Variants in ST7 observed in about 807,000 individuals in gnomAD.
ST7 encodes suppressor of tumorigenicity 7 protein.
In ST7, 28 loss-of-function variants were observed where a neutral mutation model predicts 78.7. The ratio of observed to expected loss-of-function variants is 0.36; its 90% CI spans 0.26 to 0.49. The LOEUF (loss-of-function observed/expected upper bound fraction) is 0.49. Among genes scored for constraint, ST7 ranks in the 20% least tolerant of loss-of-function variants. ST7 has a pLI of 0.99. For synonymous variants in ST7, 247 were observed against 249.6 expected (o/e 0.99, Z 0.10); for missense variants, 418 against 696.0 (o/e 0.60, Z 4.49).
chr7:117,067,744 C>A (rs556251322), intron 1 of ST7, among the ~76,000 whole-genome samples: 1 of 152,266 alleles, frequency 6.6e-6, no homozygotes, highest in East Asian at 1.9e-4. Flanking sequence ...TTTTGAGGAG[C>A]CTGACTAAAG....
chr7:117,016,364 T>A (rs970972426), intron 1 of ST7, among the ~76,000 whole-genome samples: 1 of 152,168 alleles, frequency 6.6e-6, no homozygotes. Flanking sequence ...GAAATCAAAT[T>A]TGTAAAATCC....
chr7:116,957,544 G>A (rs922172258), intron 1 of ST7, among the ~76,000 whole-genome samples: 2 of 152,122 alleles, frequency 1.3e-5, no homozygotes, highest in African/African-American at 2.4e-5. Context: ...GGATACAATA[G>A]TGTTAAAATA....
At chr7:117,029,715 A>G (rs1252209044) in intron 1 of ST7, among the ~76,000 whole-genome samples, 1 of 150,184 alleles carries the variant, frequency 6.7e-6, no homozygotes, top group African/African-American at 2.4e-5. Context: ...ATCCATCTTT[A>G]GTACATTTTT....
intron 1 of ST7, among the ~76,000 whole-genome samples, chr7:116,974,327 G>A (rs1307863286): frequency 1.3e-5 from 2 of 149,278 alleles, no homozygotes; most frequent in Admixed American, 6.7e-5. Flanking sequence ...TCACTGTGTC[G>A]CCCAGGCTGG....
intron 2 of ST7, among the ~76,000 whole-genome samples, chr7:117,116,096 G>T (rs991427913): frequency 6.6e-6 from 1 of 152,130 alleles, no homozygotes; most frequent in Non-Finnish European, 1.5e-5. Context: ...AAATGGTAAG[G>T]TTCCTGTTGA....
intron 1 of ST7, among the ~76,000 whole-genome samples, chr7:117,033,806 A>G (rs986595769): frequency 3.9e-5 from 6 of 152,166 alleles, no homozygotes; most frequent in Admixed American, 1.3e-4. Context: ...GAGTCAGTCA[A>G]TAGACTGAAA....
At chr7:117,096,669 T>C (rs912560764) in intron 1 of ST7, among the ~76,000 whole-genome samples, 11 of 152,222 alleles carry the variant, frequency 7.2e-5, no homozygotes, top group African/African-American at 2.7e-4. Context: ...AAATTAACTT[T>C]TCTAATCTGT....
chr7:117,139,948 A>G (rs962384770), intron 9 of ST7, among the ~76,000 whole-genome samples: 3 of 152,142 alleles, frequency 2.0e-5, no homozygotes, highest in Non-Finnish European at 4.4e-5. Context: ...GTATTTCTCT[A>G]TCTTAACCTG....
At chr7:117,058,535 A>G (rs1798182726) in intron 1 of ST7, among the ~76,000 whole-genome samples, 1 of 152,210 alleles carries the variant, frequency 6.6e-6, no homozygotes, top group African/African-American at 2.4e-5. Flanking sequence ...TTATGGTAAA[A>G]TTGAGCATCA....
At chr7:117,116,824 G>GT (rs1256189723) in intron 2 of ST7, among the ~76,000 whole-genome samples, 4 of 152,114 alleles carry the variant, frequency 2.6e-5, no homozygotes, top group African/African-American at 9.7e-5. Context: ...TGGGTAGAAG[G>GT]TCTATCACCT....
At chr7:116,955,124 T>G (rs1405976325) in intron 1 of ST7, 1 of 470,992 alleles carries the variant, frequency 2.1e-6, no homozygotes, top group Non-Finnish European at 4.4e-6. Context: ...TGGCTGCTTG[T>G]CGCAATATTG....
At chr7:117,211,063 C>T (rs1173608891) in intron 13 of ST7, among the ~76,000 whole-genome samples, 1 of 152,028 alleles carries the variant, frequency 6.6e-6, no homozygotes, top group African/African-American at 2.4e-5. Context: ...CAGCAGGAGT[C>T]CAAGTTGGTG....
intron 1 of ST7, among the ~76,000 whole-genome samples, chr7:117,006,693 C>T (rs546068532): frequency 6.6e-6 from 1 of 152,344 alleles, no homozygotes; most frequent in East Asian, 1.9e-4. Flanking sequence ...GCAGATACTG[C>T]ACTTCTTATA....
intron 1 of ST7, among the ~76,000 whole-genome samples, chr7:116,996,357 G>A (rs994048345): frequency 5.3e-5 from 8 of 152,108 alleles, no homozygotes; most frequent in East Asian, 1.9e-4. Flanking sequence ...GATTACAGGC[G>A]TGAGCCACTA....
intron 13 of ST7, among the ~76,000 whole-genome samples, chr7:117,211,997 T>C (rs1447397313): frequency 6.6e-6 from 1 of 152,192 alleles, no homozygotes; most frequent in African/African-American, 2.4e-5. Flanking sequence ...TCCTTACAGA[T>C]AGGCAGGAAC....
intron 12 of ST7, among the ~76,000 whole-genome samples, chr7:117,203,269 G>C (rs1271075874): frequency 1.3e-5 from 2 of 152,174 alleles, no homozygotes. Flanking sequence ...ACTTCCAACT[G>C]TGTAACCCTG....
chr7:117,186,877 A>G (rs1444801155), intron 10 of ST7, among the ~76,000 whole-genome samples: 1 of 152,180 alleles, frequency 6.6e-6, no homozygotes, highest in Admixed American at 6.5e-5. Flanking sequence ...CAATGTTGTG[A>G]TGAACAATCT....
At chr7:117,011,984 G>C (rs1014552495) in intron 1 of ST7, among the ~76,000 whole-genome samples, 1 of 152,176 alleles carries the variant, frequency 6.6e-6, no homozygotes, top group Non-Finnish European at 1.5e-5. Context: ...GTGACATTTG[G>C]AGAACTGAAA....
intron 14 of ST7, among the ~76,000 whole-genome samples, chr7:117,221,043 C>T (rs577225040): frequency 6.6e-6 from 1 of 152,134 alleles, no homozygotes; most frequent in Non-Finnish European, 1.5e-5. Flanking sequence ...GCCTCTCCCC[C>T]AGCACCCCCA....
Sources: allele counts gnomAD v4.1 joint callset (sites outside exome capture counted in the v4.1 genomes callset), GRCh38; gene constraint gnomAD v4.1.1; transcripts MANE v1.5; gene names NCBI Gene and HGNC (gene_info 2026-07-23, HGNC 2026-07-21).